The following ADCY9 variants were observed in gnomAD, a reference collection of about 807,000 sequenced individuals.
The protein encoded by ADCY9 is adenylate cyclase 9.
Under a neutral mutation model 101.5 loss-of-function variants are expected in ADCY9, and 50 were observed. The ratio of observed to expected loss-of-function variants is 0.49; its 90% CI spans 0.39 to 0.62. ADCY9 has a LOEUF of 0.62. Among genes scored for constraint, ADCY9 ranks in the 20% least tolerant of loss-of-function variants. The pLI is 0.00. For missense variants in ADCY9, 1,662 were observed against 1,800.4 expected (o/e 0.92, Z 1.39); for synonymous variants, 905 against 769.3 (o/e 1.18, Z -2.92).
intron 2 of ADCY9, among the ~76,000 whole-genome samples, chr16:4,091,776 T>C (rs1420770615): frequency 6.6e-6 from 1 of 152,206 alleles, no homozygotes; most frequent in African/African-American, 2.4e-5. Context: ...AGATGCAAAG[T>C]GCAGCACAGC....
chr16:4,084,700 T>C (rs1351841379), intron 2 of ADCY9, among the ~76,000 whole-genome samples: 1 of 151,980 alleles, frequency 6.6e-6, no homozygotes. Flanking sequence ...CACTCCAGCC[T>C]GGATGACAGA....
intron 2 of ADCY9, among the ~76,000 whole-genome samples, chr16:4,059,684 G>A (rs2056762616): frequency 6.6e-6 from 1 of 152,014 alleles, no homozygotes; most frequent in Non-Finnish European, 1.5e-5. Context: ...GATTGCTTGA[G>A]GCTGGGAGTC....
chr16:3,965,099 C>G lies in ADCY9; in HGVS notation c.*676G>C, dbSNP rs1308221840. The stretch of plus-strand genomic sequence containing the variant: ...CTTGGCCTGCATGCATGTGGGCGAG[C>G]CCCTAAACCCGCTCAGTGCAGGGAG... On this transcript the variant is annotated 3_prime_UTR_variant, in exon 11 of 11. Coordinates refer to ENST00000294016, the MANE Select transcript of ADCY9 (RefSeq NM_001116.4). The G allele has an allele frequency of 6.6e-6, 1 of 152,560 alleles. No homozygotes were observed. The highest frequency in any genetic ancestry group is 1.5e-5 in the Non-Finnish European group (1 of 68,206). The allele number at this position is 152,560 out of a possible 1,614,324, so 9.5% of individuals were successfully genotyped here. A position where few individuals can be genotyped will look rare whatever the true frequency, so the allele number is the denominator to read the frequency against.
At chr16:4,086,564 C>A (rs187009714) in intron 2 of ADCY9, among the ~76,000 whole-genome samples, 2 of 152,264 alleles carry the variant, frequency 1.3e-5, no homozygotes, top group East Asian at 3.9e-4. Flanking sequence ...ACATAATCTA[C>A]TTAGGGGACA....
In ADCY9 at chr16:3,977,649, TAGGAC is replaced by T. The variant is rs1567418844; in HGVS notation, c.2680-24_2680-20del. The T allele has an allele frequency of 6.2e-7, 1 of 1,603,406 alleles. No individual in the cohort carries two copies. Among genetic ancestry groups the T allele is most frequent in the Non-Finnish European group, 8.5e-7 (1 of 1,172,454 alleles). ...CTGGGAACTGCAAGAGGCGAAGGGT[TAGGAC>T]AGCCGCCCAGGGCCACCCCGCCACC... On this transcript the variant is annotated intron_variant, in intron 8 of 10. Coordinates refer to ENST00000294016, the MANE Select transcript of ADCY9 (RefSeq NM_001116.4).
At chr16:4,015,143 G>A (rs911176966) in intron 2 of ADCY9, among the ~76,000 whole-genome samples, 10 of 151,268 alleles carry the variant, frequency 6.6e-5, no homozygotes, top group Admixed American at 2.6e-4. Context: ...GGGTTTCACC[G>A]TGTTAGCCAG....
chr16:4,030,667 C>T (rs988870131), intron 2 of ADCY9, among the ~76,000 whole-genome samples: 4 of 151,456 alleles, frequency 2.6e-5, no homozygotes, highest in East Asian at 1.9e-4. Context: ...CATGGCATCG[C>T]GCTCCAGCCT....
intron 2 of ADCY9, among the ~76,000 whole-genome samples, chr16:4,068,831 AC>A (rs1242244033): frequency 2.7e-5 from 4 of 147,882 alleles, no homozygotes; most frequent in Admixed American, 6.8e-5. Context: ...AAAAAAAAAA[AC>A]AATTCACGGT....
chr16:4,089,875 C>A (rs1384707692), intron 2 of ADCY9, among the ~76,000 whole-genome samples: 1 of 152,128 alleles, frequency 6.6e-6, no homozygotes, highest in Non-Finnish European at 1.5e-5. Context: ...GAACAGTCCT[C>A]TCCCTGGTGG....
downstream of ADCY9, among the ~76,000 whole-genome samples, chr16:3,961,352 G>C (rs1484280038): frequency 6.6e-6 from 1 of 152,030 alleles, no homozygotes; most frequent in Non-Finnish European, 1.5e-5. Context: ...AGGAGGCTGA[G>C]GTGGGAGGAT....
intron 7 of ADCY9, among the ~76,000 whole-genome samples, chr16:3,981,596 CTTT>C (rs920294131): frequency 6.6e-6 from 1 of 151,828 alleles, no homozygotes; most frequent in South Asian, 2.1e-4. Flanking sequence ...AGCAGATCTT[CTTT>C]TTTTTCTTTT....
intron 2 of ADCY9, among the ~76,000 whole-genome samples, chr16:4,079,714 G>A (rs2056889973): frequency 6.6e-6 from 1 of 152,020 alleles, no homozygotes; most frequent in African/African-American, 2.4e-5. Flanking sequence ...TGTTTCATAT[G>A]ACACCATTAT....
intron 10 of ADCY9, among the ~76,000 whole-genome samples, chr16:3,973,365 C>T (rs2056068731): frequency 6.6e-6 from 1 of 152,084 alleles, no homozygotes; most frequent in Non-Finnish European, 1.5e-5. Context: ...CCACCACCAC[C>T]CCAGCTAATT....
rs754214357 is a variant in ADCY9 at position 3,964,054 on chromosome 16, C to G, written c.*1721G>C. On this transcript the variant is annotated 3_prime_UTR_variant, in exon 11 of 11. Transcript: ENST00000294016. ...ATGGGTGGCCATCCCAGGCACCGCC[C>G]CTGGAGAGGTGGCGGGTCAGAATTG... 1 of 152,328 alleles carries G rather than the reference C, an allele frequency of 6.6e-6. No individual in the cohort carries two copies. The highest frequency in any genetic ancestry group is 1.5e-5 in the Non-Finnish European group (1 of 68,040). The allele number at this position is 152,328 out of a possible 1,614,324, so 9.4% of individuals were successfully genotyped here. A position where few individuals can be genotyped will look rare whatever the true frequency, so the allele number is the denominator to read the frequency against.
At chr16:4,033,869 G>A (rs1203530045) in intron 2 of ADCY9, among the ~76,000 whole-genome samples, 2 of 152,104 alleles carry the variant, frequency 1.3e-5, no homozygotes, top group Non-Finnish European at 2.9e-5. Context: ...GACTTTACAG[G>A]GTTTTGAGGA....
At chr16:4,001,145 C>T (rs926763862) in intron 3 of ADCY9, among the ~76,000 whole-genome samples, 1 of 152,152 alleles carries the variant, frequency 6.6e-6, no homozygotes, top group African/African-American at 2.4e-5. Context: ...GGCGCGATAC[C>T]GTTAACTAAG....
chr16:3,977,941 T>A (rs1422578544), intron 8 of ADCY9, among the ~76,000 whole-genome samples: 1 of 152,172 alleles, frequency 6.6e-6, no homozygotes, highest in African/African-American at 2.4e-5. Flanking sequence ...GGTCTCGAAC[T>A]CCTGACCTCA....
At chr16:4,036,026 G>T (rs201808499) in intron 2 of ADCY9, among the ~76,000 whole-genome samples, 1,801 of 47,170 alleles carry the variant, frequency 0.038, 34 homozygotes, top group Non-Finnish European at 0.057. Flanking sequence ...AAAAAAAAAA[G>T]ATTCCAAGGG....
At chr16:3,993,277 G>T (rs555824436) in intron 4 of ADCY9, 129 bp downstream of exon 4, 1 of 1,463,366 alleles carries the variant, frequency 6.8e-7, no homozygotes, top group South Asian at 1.4e-5. Context: ...CGGAGGACCC[G>T]CGGGTGCGGA....
Sources: allele counts gnomAD v4.1 joint callset (sites outside exome capture counted in the v4.1 genomes callset), GRCh38; gene constraint gnomAD v4.1.1; transcripts MANE v1.5; gene names NCBI Gene and HGNC (gene_info 2026-07-23, HGNC 2026-07-21).